NUDT7: variants seen among roughly 807,000 people sequenced by gnomAD.
The protein encoded by NUDT7 is peroxisomal coenzyme A diphosphatase NUDT7.
In NUDT7, 19 loss-of-function variants were observed where a neutral mutation model predicts 13.1. That is an observed-to-expected ratio of 1.45 (90% CI 1.01 to 2.13). NUDT7 has a LOEUF of 2.13. NUDT7 is among the 30% of genes most tolerant of loss of function. The probability of loss-of-function intolerance (pLI) is 0.00; values close to 1 mark genes in which losing one functional copy is unlikely to be tolerated. For missense variants in NUDT7, 360 were observed against 291.7 expected, an observed-to-expected ratio of 1.23 and a Z score of -1.71; for synonymous variants, 132 against 109.7, an observed-to-expected ratio of 1.20 and a Z score of -1.27.
chr16:77,725,338 A>C, intron 1 of NUDT7, 93 bp from the exon 2 acceptor site: 1 of 1,188,550 alleles, frequency 8.4e-7, no homozygotes, highest in South Asian at 1.6e-5. Flanking sequence ...CAAACTCCTA[A>C]ATACACAACA....
intron 2 of NUDT7, among the ~76,000 whole-genome samples, chr16:77,726,161 G>A (rs923080132): frequency 2.6e-5 from 4 of 152,212 alleles, no homozygotes; most frequent in African/African-American, 7.2e-5. Context: ...AGCTGTCCAC[G>A]TTGAATCCAG....
rs371388029 is a variant in NUDT7 at position 77,725,557 on chromosome 16, T to A, written c.162T>A (p.His54Gln). 7 of 1,614,130 alleles carry A rather than the reference T, an allele frequency of 4.3e-6. No homozygotes were observed. Among genetic ancestry groups the A allele is most frequent in the Non-Finnish European group, 5.9e-6 (7 of 1,180,022 alleles). ...TGGTGGCTAAAGAAGGAAAACTCCATTTGTTGTTCACCGTCCGGTCAGAGA... is the reference window on the plus strand; with the variant it reads ...TGGTGGCTAAAGAAGGAAAACTCCAATTGTTGTTCACCGTCCGGTCAGAGA... ...LPLVAKEGKL[H>Q]LLFTVRSEKL... The change falls in exon 2 of 4, where the codon CAT (histidine) becomes CAA (glutamine). Residue 54 changes from histidine to glutamine, a missense_variant. Transcript: ENST00000268533.
chr16:77,740,567 T>C (rs187497532), intron 3 of NUDT7, among the ~76,000 whole-genome samples: 5 of 152,252 alleles, frequency 3.3e-5, no homozygotes, highest in African/African-American at 1.2e-4. Flanking sequence ...TTTTTGAGAC[T>C]GGGCCTCTCT....
intron 1 of NUDT7, among the ~76,000 whole-genome samples, chr16:77,723,972 A>G (rs1272885064): frequency 6.6e-6 from 1 of 152,190 alleles, no homozygotes. Flanking sequence ...TCCCACAGAA[A>G]AAGTAAAATC....
intron 2 of NUDT7, 157 bp downstream of exon 2, chr16:77,725,741 G>A (rs1156410093): frequency 6.5e-6 from 4 of 617,112 alleles, no homozygotes; most frequent in Non-Finnish European, 1.1e-5. Flanking sequence ...GGATAACATG[G>A]TGTTTCTTGG....
At chr16:77,729,893 G>T (rs2145111910) in intron 2 of NUDT7, among the ~76,000 whole-genome samples, 1 of 151,612 alleles carries the variant, frequency 6.6e-6, no homozygotes, top group South Asian at 2.1e-4. Context: ...TGTACAACAT[G>T]ATGTTTTGAA....
intron 1 of NUDT7, among the ~76,000 whole-genome samples, chr16:77,723,727 G>T (rs2014040873): frequency 6.6e-6 from 1 of 151,784 alleles, no homozygotes; most frequent in African/African-American, 2.4e-5. Flanking sequence ...GAGTAGCTGG[G>T]ATTACAGGCA....
rs975933354 is a variant in NUDT7, at chr16:77,735,521, A to T, written c.190-307A>T. On this transcript the variant is annotated intron_variant, in intron 2 of 3. Transcript: ENST00000268533. ...GCCTGCGAGACTGTGAGCCAACCAA[A>T]CCTCTTTTCTTTATAAACTACCCAG... The T allele has an allele frequency of 7.1e-6, 4 of 559,654 alleles. No individual in the cohort carries two copies. In the East Asian group the frequency reaches 1.1e-4, roughly 16 times the overall value. The allele number at this position is 559,654 out of a possible 1,614,324, so 34.7% of individuals were successfully genotyped here.
Position 77,725,483 on chromosome 16 carries a change from G to A in NUDT7, c.88G>A (p.Gly30Ser), listed in dbSNP as rs1308386019. ...KARLRKYDIG[G>S]KYSHLPYNKY... ...CCGCTTAAGAAAGTATGATATTGGA[G>A]GCAAATATTCTCACTTGCCATATAA... is the stretch of plus-strand genomic sequence containing the variant. Residue 30 changes from glycine to serine, a missense_variant, in exon 2 of 4, where the codon GGC becomes AGC. Transcript: ENST00000268533. The A allele has an allele frequency of 1.2e-6, 2 of 1,613,596 alleles. No homozygotes were observed. Among genetic ancestry groups the A allele is most frequent in the African/African-American group, 1.3e-5 (1 of 74,894 alleles).
intron 2 of NUDT7, among the ~76,000 whole-genome samples, chr16:77,733,993 G>A (rs757929480): frequency 2.0e-5 from 3 of 152,122 alleles, no homozygotes; most frequent in Non-Finnish European, 4.4e-5. Context: ...AAGAAAGGGG[G>A]TAATTTTAGG....
chr16:77,732,907 C>G (rs1250934729), intron 2 of NUDT7, among the ~76,000 whole-genome samples: 1 of 152,194 alleles, frequency 6.6e-6, no homozygotes, highest in Non-Finnish European at 1.5e-5. Context: ...CAATAAAGCA[C>G]TGTTTCAGAG....
At chr16:77,730,266 C>CATCT (rs2014279762) in intron 2 of NUDT7, among the ~76,000 whole-genome samples, 1 of 152,252 alleles carries the variant, frequency 6.6e-6, no homozygotes, top group East Asian at 1.9e-4. Context: ...TTTTGACCAA[C>CATCT]ATCTCCCCAA....
chr16:77,732,700 A>G (rs1205836845), intron 2 of NUDT7, among the ~76,000 whole-genome samples: 1 of 152,246 alleles, frequency 6.6e-6, no homozygotes, highest in Non-Finnish European at 1.5e-5. Context: ...TATATTATCC[A>G]GGTTTGTGCA....
Position 77,741,794 on chromosome 16 carries a change from G to A in NUDT7, c.561G>A (p.Gln187=). Residue 187 remains glutamine, a synonymous_variant, in exon 4 of 4, where the codon CAG becomes CAA. Transcript: ENST00000268533. ...YTNPEDGVTY[Q]IKGMTANLAV... is the part of the protein sequence containing the mutation. ...ACCCTGAAGACGGTGTCACTTACCAGATCAAGGGAATGACGGCAAACCTTG... is the reference window on the plus strand; with the variant it reads ...ACCCTGAAGACGGTGTCACTTACCAAATCAAGGGAATGACGGCAAACCTTG... 1 of 1,614,142 alleles carries A rather than the reference G, an allele frequency of 6.2e-7. No homozygotes were observed. Among genetic ancestry groups the A allele is most frequent in the Non-Finnish European group, 8.5e-7 (1 of 1,180,038 alleles).
At chr16:77,729,165 G>C (rs955696415) in intron 2 of NUDT7, among the ~76,000 whole-genome samples, 53 of 152,276 alleles carry the variant, frequency 3.5e-4, no homozygotes, top group African/African-American at 1.3e-3. Context: ...AGTGCTAATA[G>C]TTTTTGATTA....
chr16:77,723,661 G>C lies in NUDT7; in HGVS notation c.35+1044G>C, dbSNP rs529144524. Among the ~76,000 whole-genome samples the C allele has an allele frequency of 2.8e-3, 400 of 142,102 alleles. 2 individuals are homozygous for C. Among genetic ancestry groups the C allele is most frequent in the African/African-American group, 0.01 (377 of 36,412 alleles). 93.2% of individuals were successfully genotyped at this position (142,102 alleles called of 152,430 possible). On this transcript the variant is annotated intron_variant, in intron 1 of 3. Coordinates refer to ENST00000268533, the MANE Select transcript of NUDT7 (RefSeq NM_001105663.3). ...TGGCTACAGTGCAGTAGGCAATCTC[G>C]GCTCACTGCAGCCTCTGCCTCCTGG...
At chr16:77,741,170 AAAGTG>A (rs2014648084) in intron 3 of NUDT7, among the ~76,000 whole-genome samples, 1 of 152,216 alleles carries the variant, frequency 6.6e-6, no homozygotes, top group Non-Finnish European at 1.5e-5. Context: ...AAATGCCTAT[AAAGTG>A]AAGAGTGATA....
intron 2 of NUDT7, among the ~76,000 whole-genome samples, chr16:77,725,921 C>G (rs567672850): frequency 1.3e-5 from 2 of 152,296 alleles, no homozygotes; most frequent in African/African-American, 4.8e-5. Context: ...GGCCTCTACC[C>G]ACCAGATGCC....
chr16:77,737,315 A>G (rs1276815191), intron 3 of NUDT7: 4 of 152,138 alleles, frequency 2.6e-5, no homozygotes, highest in African/African-American at 4.8e-5. Flanking sequence ...TGACCCTGAC[A>G]GTTTGGAGAT....
Sources: allele counts gnomAD v4.1 joint callset (sites outside exome capture counted in the v4.1 genomes callset), GRCh38; gene constraint gnomAD v4.1.1; transcripts MANE v1.5; gene names NCBI Gene and HGNC (gene_info 2026-07-23, HGNC 2026-07-21).